Variants in HOOK3 observed in about 807,000 individuals in gnomAD.
The protein encoded by HOOK3 is hook microtubule tethering protein 3, also known as protein Hook homolog 3.
A neutral mutation model predicts 116.3 loss-of-function variants in HOOK3; 24 were observed. The observed-to-expected ratio is 0.21, with a 90% CI of 0.15 to 0.29. The LOEUF (loss-of-function observed/expected upper bound fraction) is 0.29, where lower values mean the gene tolerates loss of function less well. Among genes scored for constraint, HOOK3 ranks in the 10% least tolerant of loss-of-function variants. The pLI is 1.00. For synonymous variants in HOOK3, 275 were observed against 283.0 expected (o/e 0.97, Z 0.28); for missense variants, 632 against 830.2 (o/e 0.76, Z 2.93).
chr8:43,022,812 A>T lies in HOOK3; in HGVS notation c.*4314A>T, dbSNP rs1044346640. The T allele has an allele frequency of 4.0e-5, 7 of 176,238 alleles. No homozygotes were observed. The highest frequency in any genetic ancestry group is 1.7e-4 in the African/African-American group (7 of 42,258). The allele number at this position is 176,238 out of a possible 1,614,324, so 10.9% of individuals were successfully genotyped here. A position where few individuals can be genotyped will look rare whatever the true frequency, so the allele number is the denominator to read the frequency against. On this transcript the variant is annotated 3_prime_UTR_variant, in exon 22 of 22. Transcript: ENST00000307602. Reference sequence around the variant, plus strand: ...TGTTTTAATTAGATTATTAGACTATAATAAGGATGAAATTGCTGTCTGTAA... The same window carrying T: ...TGTTTTAATTAGATTATTAGACTATTATAAGGATGAAATTGCTGTCTGTAA...
At chr8:42,988,703 C>G (rs1809096247) in intron 15 of HOOK3, among the ~76,000 whole-genome samples, 1 of 151,936 alleles carries the variant, frequency 6.6e-6, no homozygotes, top group Non-Finnish European at 1.5e-5. Context: ...AATATGCTTT[C>G]TTACTTTATG....
chr8:42,967,565 C>A (rs1472579938), intron 10 of HOOK3, among the ~76,000 whole-genome samples: 1 of 152,116 alleles, frequency 6.6e-6, no homozygotes, highest in African/African-American at 2.4e-5. Flanking sequence ...TACACATGCA[C>A]ACGCGCATTT....
Position 43,018,361 on chromosome 8 carries a change from A to G in HOOK3, c.2020A>G (p.Met674Val). 1.3e-6 allele frequency: 2 copies of G among 1,590,914 alleles called. No homozygotes were observed. Among genetic ancestry groups the G allele is most frequent in the Non-Finnish European group, 1.7e-6 (2 of 1,171,976 alleles). The change falls in exon 22 of 22, where the codon ATG (methionine) becomes GTG (valine). Residue 674 changes from methionine to valine, a missense_variant. Physicochemically the swap from Met to Val is conservative, Grantham distance 21 (BLOSUM62 1). Coordinates refer to ENST00000307602, the MANE Select transcript of HOOK3 (RefSeq NM_032410.4). ...TTTTTTTGTTTTAATGTTGCAGGGA[A>G]TGACCCTGCATAAAAAGGCAGCTGA... is the stretch of plus-strand genomic sequence containing the variant. The part of the protein sequence containing the change: ...YIVSAWYNMG[M>V]TLHKKAAEDR...
chr8:43,010,007 T>C (rs1325212555), intron 18 of HOOK3, among the ~76,000 whole-genome samples: 1 of 151,908 alleles, frequency 6.6e-6, no homozygotes, highest in Admixed American at 6.6e-5. Context: ...ATTATATCTA[T>C]GTACTACATT....
intron 1 of HOOK3, among the ~76,000 whole-genome samples, chr8:42,905,030 T>A (rs949477295): frequency 6.6e-6 from 1 of 152,188 alleles, no homozygotes; most frequent in African/African-American, 2.4e-5. Flanking sequence ...GAGAGAGAAT[T>A]TATACTATTA....
At chr8:42,931,456 G>T (rs1807871434) in intron 4 of HOOK3, among the ~76,000 whole-genome samples, 1 of 139,292 alleles carries the variant, frequency 7.2e-6, no homozygotes, top group African/African-American at 2.7e-5. Context: ...TTTTGAGACG[G>T]AGTCTCGCTC....
intron 11 of HOOK3, among the ~76,000 whole-genome samples, chr8:42,969,637 G>A (rs752314404): frequency 1.6e-4 from 25 of 152,154 alleles, no homozygotes; most frequent in Non-Finnish European, 3.5e-4. Context: ...GGCAACATGA[G>A]ACATGTAAGA....
chr8:42,923,479 G>C (rs1807703567), intron 2 of HOOK3, among the ~76,000 whole-genome samples: 1 of 152,202 alleles, frequency 6.6e-6, no homozygotes, highest in Non-Finnish European at 1.5e-5. Context: ...ATATTATTTA[G>C]CCACAAAAAG....
chr8:42,984,747 C>CA (rs1396705380), intron 14 of HOOK3, among the ~76,000 whole-genome samples: 1 of 151,934 alleles, frequency 6.6e-6, no homozygotes, highest in African/African-American at 2.4e-5. Flanking sequence ...GCTAAAAATA[C>CA]AAAAAAATTA....
intron 2 of HOOK3, among the ~76,000 whole-genome samples, chr8:42,919,245 A>G (rs955187577): frequency 1.4e-3 from 211 of 148,302 alleles, no homozygotes; most frequent in African/African-American, 5.2e-3. Flanking sequence ...TTCCGGGCAG[A>G]GGGGCTCCTC....
chr8:42,939,732 G>A (rs1200594959), intron 4 of HOOK3, among the ~76,000 whole-genome samples: 5 of 150,932 alleles, frequency 3.3e-5, no homozygotes, highest in South Asian at 2.1e-4. Context: ...CAGACGGGGC[G>A]GCTGCCGGGC....
intron 3 of HOOK3, 111 bp from the exon 4 acceptor site, chr8:42,930,011 A>G (rs1005582612): frequency 1.1e-6 from 1 of 897,780 alleles, no homozygotes; most frequent in African/African-American, 1.8e-5. Context: ...ATTTGTTAAT[A>G]TTTACTTTAT....
chr8:42,966,433 G>A (rs1168847575), intron 9 of HOOK3, 40 bp from the exon 10 acceptor site: 2 of 1,604,156 alleles, frequency 1.2e-6, no homozygotes, highest in African/African-American at 2.7e-5. Context: ...TGAGGAGGCA[G>A]TAAATAGTGC....
chr8:42,986,883 A>T, intron 15 of HOOK3, 88 bp downstream of exon 15: 1 of 1,390,648 alleles, frequency 7.2e-7, no homozygotes, highest in Non-Finnish European at 1.0e-6. Flanking sequence ...CTGGCAGGGC[A>T]TGGTGGCTCA....
intron 1 of HOOK3, among the ~76,000 whole-genome samples, chr8:42,904,198 TTGTC>T (rs1414974326): frequency 9.9e-5 from 15 of 152,192 alleles, no homozygotes; most frequent in Non-Finnish European, 4.4e-5. Flanking sequence ...AGTATTCTCA[TTGTC>T]TGTACTGAGT....
chr8:43,026,926 C>G lies in HOOK3; in HGVS notation c.*8428C>G, dbSNP rs1210669112. On this transcript the variant is annotated 3_prime_UTR_variant, in exon 22 of 22. Coordinates refer to ENST00000307602, the MANE Select transcript of HOOK3 (RefSeq NM_032410.4). ...ATGGAGTCTCACTCTGAGTCTCACT[C>G]TGTTGCCCAGGCTGGAGTGCAGTGG... The G allele has an allele frequency of 1.6e-5, 3 of 185,008 alleles. No individual in the cohort carries two copies. The highest frequency in any genetic ancestry group is 4.7e-5 in the African/African-American group (2 of 42,562). The allele number at this position is 185,008 out of a possible 1,614,324, so 11.5% of individuals were successfully genotyped here.
intron 6 of HOOK3, among the ~76,000 whole-genome samples, chr8:42,951,821 G>C (rs1472420944): frequency 6.6e-6 from 1 of 151,928 alleles, no homozygotes; most frequent in East Asian, 1.9e-4. Flanking sequence ...CATGCCTGTA[G>C]TCCCAGCTTC....
chr8:42,940,343 G>A (rs1331035320), intron 4 of HOOK3, among the ~76,000 whole-genome samples: 1 of 152,232 alleles, frequency 6.6e-6, no homozygotes, highest in African/African-American at 2.4e-5. Flanking sequence ...CCAGTCAGGC[G>A]TGGCGGCGCG....
At chr8:42,953,338 G>A (rs964785211) in intron 6 of HOOK3, among the ~76,000 whole-genome samples, 7 of 151,866 alleles carry the variant, frequency 4.6e-5, no homozygotes, top group African/African-American at 1.7e-4. Flanking sequence ...GGTTGAGGTG[G>A]GTGGATCACG....
Sources: allele counts gnomAD v4.1 joint callset (sites outside exome capture counted in the v4.1 genomes callset), GRCh38; gene constraint gnomAD v4.1.1; transcripts MANE v1.5; gene names NCBI Gene and HGNC (gene_info 2026-07-23, HGNC 2026-07-21).